The following IQCK variants were observed in gnomAD, a reference collection of about 807,000 sequenced individuals.
IQCK encodes the protein IQ domain-containing protein K.
In IQCK, 29 loss-of-function variants were observed where a neutral mutation model predicts 28.1. The ratio of observed to expected loss-of-function variants is 1.03; its 90% confidence interval spans 0.77 to 1.41. The LOEUF (loss-of-function observed/expected upper bound fraction) is 1.41. Ranked by LOEUF, IQCK falls within the 40% of genes most tolerant of loss-of-function variation. The pLI is 0.00. For synonymous variants in IQCK, 113 were observed against 115.1 expected, an observed-to-expected ratio of 0.98 and a Z score of 0.12; for missense variants, 359 against 314.7, an observed-to-expected ratio of 1.14 and a Z score of -1.07.
intron 4 of IQCK, among the ~76,000 whole-genome samples, chr16:19,753,247 CA>C (rs562470295): frequency 0.048 from 5,911 of 122,354 alleles, 137 homozygotes; most frequent in African/African-American, 0.093. Flanking sequence ...CCTATCTCTA[CA>C]AAAAAAAAAA....
chr16:19,829,338 C>CT (rs879746539), downstream of IQCK, among the ~76,000 whole-genome samples: 4,227 of 142,742 alleles, frequency 0.03, 94 homozygotes, highest in Non-Finnish European at 0.047. Flanking sequence ...CTTCCTATTC[C>CT]TTTTTTTTTT....
intron 7 of IQCK, among the ~76,000 whole-genome samples, chr16:19,800,780 A>T (rs2055748149): frequency 2.1e-5 from 2 of 95,012 alleles, no homozygotes; most frequent in Non-Finnish European, 3.5e-5. Flanking sequence ...AAATATTGTG[A>T]TTGTTCAGTG....
chr16:19,753,770 G>A (rs1367057277), intron 4 of IQCK, among the ~76,000 whole-genome samples: 1 of 151,908 alleles, frequency 6.6e-6, no homozygotes, highest in Admixed American at 6.6e-5. Context: ...GGAGGACTTG[G>A]TTCTCTCCTG....
At position 19,762,736 on chromosome 16, in the gene IQCK, C is replaced by G. The variant is rs182818881; in HGVS notation, c.475-1112C>G. 2.6e-5 allele frequency among the ~76,000 whole-genome samples: 4 copies of G among 152,222 alleles called. No homozygotes were observed. In the East Asian group the frequency reaches 7.7e-4, roughly 29 times the overall value. On this transcript the variant is annotated intron_variant, in intron 4 of 7. Coordinates refer to ENST00000564186, the Ensembl canonical transcript of IQCK. Reference sequence around the variant, plus strand: ...TCAAAAATCCACTTATAACTTTGGCCGGGCACAGTGGCTCACACCTGTAAT... The same window carrying G: ...TCAAAAATCCACTTATAACTTTGGCGGGGCACAGTGGCTCACACCTGTAAT...
At chr16:19,741,180 C>G (rs2054829716) in intron 4 of IQCK, among the ~76,000 whole-genome samples, 2 of 151,940 alleles carry the variant, frequency 1.3e-5, no homozygotes, top group African/African-American at 4.8e-5. Context: ...CCCCTTGTGT[C>G]TGTTTTTTTC....
intron 6 of IQCK, among the ~76,000 whole-genome samples, chr16:19,774,478 G>C (rs1388042974): frequency 7.2e-6 from 1 of 139,206 alleles, no homozygotes; most frequent in Non-Finnish European, 1.5e-5. Flanking sequence ...TGCGATCTTG[G>C]CTCACTGCAA....
At chr16:19,747,767 C>T (rs564559636) in intron 4 of IQCK, among the ~76,000 whole-genome samples, 7 of 152,262 alleles carry the variant, frequency 4.6e-5, no homozygotes, top group African/African-American at 1.4e-4. Flanking sequence ...TGGCTTGTTT[C>T]ACTTAAGATA....
chr16:19,736,999 AAAG>A (rs1978035132), intron 4 of IQCK, among the ~76,000 whole-genome samples: 1 of 151,596 alleles, frequency 6.6e-6, no homozygotes, highest in African/African-American at 2.4e-5. Flanking sequence ...AAAAAAAAAA[AAAG>A]AAAAAGAAAA....
intron 7 of IQCK, 45 bp from the exon 8 acceptor site, chr16:19,826,980 CA>C (rs763599116): frequency 4.9e-6 from 6 of 1,226,460 alleles, no homozygotes; most frequent in Non-Finnish European, 6.1e-6. Flanking sequence ...AGCTAGTGTA[CA>C]GAAGTGTGTC....
At chr16:19,749,957 A>G (rs2054964084) in intron 4 of IQCK, among the ~76,000 whole-genome samples, 1 of 152,016 alleles carries the variant, frequency 6.6e-6, no homozygotes, top group Non-Finnish European at 1.5e-5. Context: ...TTAGAATAGA[A>G]TTTGGAGCCA....
chr16:19,828,064 C>T (rs2056171959), downstream of IQCK, among the ~76,000 whole-genome samples: 1 of 151,758 alleles, frequency 6.6e-6, no homozygotes, highest in African/African-American at 2.4e-5. Context: ...AGGCTTGCTC[C>T]ACCACGCCTG....
At chr16:19,843,599 C>T (rs1424241318) in intron 9 of IQCK, among the ~76,000 whole-genome samples, 1 of 152,208 alleles carries the variant, frequency 6.6e-6, no homozygotes, top group Admixed American at 6.5e-5. Flanking sequence ...TAATAAAATA[C>T]CACAGACTTG....
intron 7 of IQCK, among the ~76,000 whole-genome samples, chr16:19,812,901 T>C (rs1450042267): frequency 2.6e-5 from 4 of 152,238 alleles, no homozygotes; most frequent in Admixed American, 1.3e-4. Context: ...TGAAAGCAAT[T>C]GAATCAATGT....
intron 6 of IQCK, among the ~76,000 whole-genome samples, chr16:19,775,023 C>G (rs542466273): frequency 2.6e-5 from 4 of 151,896 alleles, no homozygotes. Context: ...GTCAGGAGTT[C>G]GAGACCACCC....
rs781359759 is a variant in IQCK, at chr16:19,763,842, C to A, written c.475-6C>A. ...GTTGTAATTTAATTATCTCTTCTCT[C>A]TTCAGAGGAAAAGAACCAAATTCAT... is the stretch of plus-strand genomic sequence containing the variant. On this transcript the variant is annotated splice_polypyrimidine_tract_variant and splice_region_variant and intron_variant, in intron 4 of 7. Coordinates refer to ENST00000564186, the Ensembl canonical transcript of IQCK. 4.4e-6 allele frequency: 7 copies of A among 1,606,350 alleles called. No homozygotes were observed. In the African/African-American group the frequency reaches 9.4e-5, roughly 21 times the overall value.
intron 4 of IQCK, among the ~76,000 whole-genome samples, chr16:19,745,546 C>T (rs1169755263): frequency 6.6e-6 from 1 of 152,162 alleles, no homozygotes; most frequent in Non-Finnish European, 1.5e-5. Context: ...CCCTACTGGG[C>T]CCAGTGCTCC....
chr16:19,828,872 A>G (rs1205491261), downstream of IQCK, among the ~76,000 whole-genome samples: 1 of 134,470 alleles, frequency 7.4e-6, no homozygotes, highest in Non-Finnish European at 1.5e-5. Context: ...ATATATATAT[A>G]AATATATATA....
intron 4 of IQCK, among the ~76,000 whole-genome samples, chr16:19,742,374 C>T (rs1039192104): frequency 6.6e-6 from 1 of 152,194 alleles, no homozygotes; most frequent in Non-Finnish European, 1.5e-5. Flanking sequence ...CCCCGGTCAT[C>T]TAGTCTTTTG....
chr16:19,742,524 G>T (rs946127970), intron 4 of IQCK, among the ~76,000 whole-genome samples: 1 of 152,116 alleles, frequency 6.6e-6, no homozygotes, highest in East Asian at 1.9e-4. Flanking sequence ...CTGTCATTGG[G>T]AATAGATGCT....
Sources: gnomAD v4.1 joint callset for allele counts (sites outside exome capture counted in the v4.1 genomes callset) on GRCh38, gnomAD v4.1.1 for gene constraint, MANE v1.5 for transcripts, NCBI Gene and HGNC (gene_info 2026-07-23, HGNC 2026-07-21) for gene names.